The following AHI1 variants were observed in gnomAD, a reference collection of about 807,000 sequenced individuals.
AHI1 encodes jouberin.
Under a neutral mutation model 149.3 loss-of-function variants are expected in AHI1, and 123 were observed. That is an observed-to-expected ratio of 0.82 (90% CI 0.71 to 0.96). The LOEUF (loss-of-function observed/expected upper bound fraction) is 0.96, where lower values mean the gene tolerates loss of function less well. Among genes scored for constraint, AHI1 ranks in the 40% least tolerant of loss-of-function variants. The pLI, the probability that AHI1 is intolerant of heterozygous loss-of-function variation, is 0.00. For missense variants in AHI1, 1,439 were observed against 1,422.7 expected, an observed-to-expected ratio of 1.01 and a Z score of -0.18; for synonymous variants, 475 against 459.8, an observed-to-expected ratio of 1.03 and a Z score of -0.42.
At chr6:135,464,054 G>A (rs2128094319) in intron 7 of AHI1, among the ~76,000 whole-genome samples, 1 of 151,512 alleles carries the variant, frequency 6.6e-6, no homozygotes, top group Admixed American at 6.6e-5. Context: ...ACTAGTAAAT[G>A]GTAAGAAGTA....
chr6:135,463,433 A>C, intron 7 of AHI1, 127 bp from the exon 8 acceptor site: 1 of 743,898 alleles, frequency 1.3e-6, no homozygotes, highest in Non-Finnish European at 2.0e-6. Context: ...TTGTCTCTTG[A>C]GAGATGCATG....
At chr6:135,293,338 T>C (rs1782595160) in intron 27 of AHI1, among the ~76,000 whole-genome samples, 1 of 143,486 alleles carries the variant, frequency 7.0e-6, no homozygotes, top group South Asian at 2.1e-4. Flanking sequence ...GAATGTCTAT[T>C]CTGACTAGTT....
In AHI1 at chr6:135,415,487, C is replaced by CT. The variant is rs1414415807; in HGVS notation, c.2765-3944dup. On this transcript the variant is annotated intron_variant, in intron 20 of 28. Transcript: ENST00000265602. ...CTCTCCAGCACCTGTTGTTTCCTGA[C>CT]TTTTTAATGATTGCCAAGATTGGCC... Among the ~76,000 whole-genome samples, 5 of 152,156 alleles carry CT rather than the reference C, an allele frequency of 3.3e-5. 1 individual carries two copies. The East Asian group carries it at 9.6e-4, about 29-fold the overall frequency.
chr6:135,310,570 T>C (rs562643408), intron 26 of AHI1, among the ~76,000 whole-genome samples: 2 of 152,358 alleles, frequency 1.3e-5, no homozygotes, highest in South Asian at 4.1e-4. Flanking sequence ...CATGCTCTTA[T>C]TGACTCTACA....
chr6:135,336,156 GACATAC>G (rs994453424), intron 24 of AHI1, among the ~76,000 whole-genome samples: 1 of 144,238 alleles, frequency 6.9e-6, no homozygotes, highest in Non-Finnish European at 1.5e-5. Flanking sequence ...TATAAATACA[GACATAC>G]ACTACATAAT....
At chr6:135,364,248 T>C (rs1430786841) in intron 23 of AHI1, among the ~76,000 whole-genome samples, 1 of 144,890 alleles carries the variant, frequency 6.9e-6, no homozygotes, top group African/African-American at 2.6e-5. Flanking sequence ...CCTCACATCC[T>C]GGACGGGGCG....
intron 5 of AHI1, among the ~76,000 whole-genome samples, chr6:135,487,267 A>G (rs893156731): frequency 3.3e-5 from 5 of 152,068 alleles, no homozygotes; most frequent in Admixed American, 6.5e-5. Flanking sequence ...TGTTTTATTT[A>G]TTTCAAACTC....
chr6:135,438,283 T>G, intron 15 of AHI1, 92 bp downstream of exon 15: 1 of 1,196,930 alleles, frequency 8.4e-7, no homozygotes, highest in Non-Finnish European at 1.1e-6. Flanking sequence ...AAAATACGAC[T>G]GGAGCATAAG....
At chr6:135,293,406 GAAAAAAA>G (rs71547029) in intron 27 of AHI1, among the ~76,000 whole-genome samples, 1 of 65,596 alleles carries the variant, frequency 1.5e-5, no homozygotes. Context: ...AAAAAAAAAA[GAAAAAAA>G]AAAAAAAAAA....
At chr6:135,305,012 CAT>C (rs1784377848) in intron 26 of AHI1, 1 of 152,126 alleles carries the variant, frequency 6.6e-6, no homozygotes, top group Non-Finnish European at 1.5e-5. Flanking sequence ...TGGTAAGTCA[CAT>C]GATTTGTTTT....
At chr6:135,319,226 A>G (rs939702853) in intron 25 of AHI1, among the ~76,000 whole-genome samples, 6 of 152,192 alleles carry the variant, frequency 3.9e-5, no homozygotes, top group Admixed American at 2.6e-4. Flanking sequence ...GGCTCATGCC[A>G]ACACTTTGGG....
chr6:135,307,398 GA>G (rs1784645259), intron 26 of AHI1, among the ~76,000 whole-genome samples: 1 of 152,032 alleles, frequency 6.6e-6, no homozygotes, highest in Non-Finnish European at 1.5e-5. Flanking sequence ...TGAAACAAAG[GA>G]AATTAACATT....
At chr6:135,350,619 A>T (rs1791938360) in intron 24 of AHI1, among the ~76,000 whole-genome samples, 1 of 152,236 alleles carries the variant, frequency 6.6e-6, no homozygotes, top group African/African-American at 2.4e-5. Flanking sequence ...AAGGAAAAAA[A>T]AGAAAGTGTA....
At chr6:135,435,921 A>C (rs1456373946) in intron 15 of AHI1, among the ~76,000 whole-genome samples, 1 of 152,174 alleles carries the variant, frequency 6.6e-6, no homozygotes, top group African/African-American at 2.4e-5. Flanking sequence ...AGAAGAGATG[A>C]ACACCACTCT....
At chr6:135,334,701 GA>G (rs1296656162) in intron 24 of AHI1, among the ~76,000 whole-genome samples, 22 of 152,118 alleles carry the variant, frequency 1.4e-4, no homozygotes, top group Non-Finnish European at 1.8e-4. Context: ...TTGGACTACA[GA>G]TTTGTTAAGA....
At chr6:135,425,976 A>G (rs1783857770) in intron 20 of AHI1, among the ~76,000 whole-genome samples, 1 of 151,886 alleles carries the variant, frequency 6.6e-6, no homozygotes, top group South Asian at 2.1e-4. Context: ...TAAGAGTCTG[A>G]GGAAATAACT....
chr6:135,332,477 T>C (rs1369344648), intron 24 of AHI1, among the ~76,000 whole-genome samples: 1 of 152,212 alleles, frequency 6.6e-6, no homozygotes, highest in Non-Finnish European at 1.5e-5. Flanking sequence ...GCCCCAGGTA[T>C]ATTGAATATT....
chr6:135,341,078 C>T (rs1790298304), intron 24 of AHI1, among the ~76,000 whole-genome samples: 1 of 151,810 alleles, frequency 6.6e-6, no homozygotes, highest in African/African-American at 2.4e-5. Context: ...ACATATAAAA[C>T]TCCAAAACCA....
At position 135,433,046 on chromosome 6, in the gene AHI1, T is replaced by C. The variant is rs1784888059; in HGVS notation, c.2247A>G (p.Ser749=). 6.2e-7 allele frequency: 1 copy of C among 1,612,324 alleles called. No individual in the cohort carries two copies. Among genetic ancestry groups the C allele is most frequent in the Non-Finnish European group, 8.5e-7 (1 of 1,178,492 alleles). Residue 749 remains serine (S), a synonymous_variant, in exon 16 of 29, where the codon TCA becomes TCG. Transcript: ENST00000265602. ...QFDVHKSFIN[S]LCFDTEGHHM... is the part of the protein sequence containing the mutation. ...ACATACCTTCAGTATCAAAACAAAG[T>C]GAGTTGATAAAACTTTTGTGAACAT... is the stretch of plus-strand genomic sequence containing the variant.
Sources: gnomAD v4.1 joint callset for allele counts (sites outside exome capture counted in the v4.1 genomes callset) on GRCh38, gnomAD v4.1.1 for gene constraint, MANE v1.5 for transcripts, NCBI Gene and HGNC (gene_info 2026-07-23, HGNC 2026-07-21) for gene names.